The following CNTNAP5 variants were observed in gnomAD, a reference collection of about 807,000 sequenced individuals.
CNTNAP5 encodes the protein contactin-associated protein-like 5.
Under a neutral mutation model 150.2 loss-of-function variants are expected in CNTNAP5, and 72 were observed. The ratio of observed to expected loss-of-function variants is 0.48; its 90% CI spans 0.40 to 0.58. The LOEUF (loss-of-function observed/expected upper bound fraction) is 0.58, where lower values mean the gene tolerates loss of function less well. CNTNAP5 is among the 20% of genes least tolerant of loss of function. The pLI is 0.00. For synonymous variants in CNTNAP5, 672 were observed against 619.8 expected (o/e 1.08, Z -1.25); for missense variants, 1,636 against 1,626.2 (o/e 1.01, Z -0.10).
chr2:124,327,966 T>A (rs1689261914), intron 3 of CNTNAP5, among the ~76,000 whole-genome samples: 1 of 152,150 alleles, frequency 6.6e-6, no homozygotes, highest in Non-Finnish European at 1.5e-5. Flanking sequence ...TCGTGAAAAT[T>A]AAATGAGTAT....
chr2:124,844,653 G>C (rs1340177559), intron 19 of CNTNAP5, among the ~76,000 whole-genome samples: 1 of 151,984 alleles, frequency 6.6e-6, no homozygotes, highest in Non-Finnish European at 1.5e-5. Flanking sequence ...GTTTCCATTT[G>C]TTTCTGTTGT....
intron 12 of CNTNAP5, among the ~76,000 whole-genome samples, chr2:124,632,263 T>C (rs1349683762): frequency 6.6e-6 from 1 of 152,142 alleles, no homozygotes; most frequent in Non-Finnish European, 1.5e-5. Context: ...ATATGTTCAA[T>C]GCAGCACTAT....
intron 1 of CNTNAP5, among the ~76,000 whole-genome samples, chr2:124,163,436 T>A (rs927707622): frequency 6.6e-6 from 1 of 152,132 alleles, no homozygotes; most frequent in Non-Finnish European, 1.5e-5. Flanking sequence ...ACTGCAAATG[T>A]CAAGATGGGA....
At chr2:124,210,566 A>G (rs888108169) in intron 1 of CNTNAP5, among the ~76,000 whole-genome samples, 2 of 152,038 alleles carry the variant, frequency 1.3e-5, no homozygotes, top group Non-Finnish European at 2.9e-5. Flanking sequence ...ATATTCTTTT[A>G]CTATTCTAAA....
At chr2:124,328,267 C>T (rs1026154093) in intron 3 of CNTNAP5, among the ~76,000 whole-genome samples, 1 of 152,020 alleles carries the variant, frequency 6.6e-6, no homozygotes, top group African/African-American at 2.4e-5. Flanking sequence ...TTCTACATTG[C>T]AGATTTTACA....
At chr2:124,633,246 G>C (rs1019920681) in intron 12 of CNTNAP5, among the ~76,000 whole-genome samples, 1 of 152,128 alleles carries the variant, frequency 6.6e-6, no homozygotes, top group Non-Finnish European at 1.5e-5. Flanking sequence ...CTTGAGACAA[G>C]GCAAGTCCCT....
intron 13 of CNTNAP5, among the ~76,000 whole-genome samples, chr2:124,738,189 A>G (rs1319978468): frequency 2.0e-5 from 3 of 152,148 alleles, no homozygotes; most frequent in Admixed American, 2.0e-4. Context: ...GCTTAACACA[A>G]TAGAGGTTTC....
At chr2:124,274,593 T>C (rs1687841080) in intron 3 of CNTNAP5, among the ~76,000 whole-genome samples, 1 of 152,176 alleles carries the variant, frequency 6.6e-6, no homozygotes, top group Non-Finnish European at 1.5e-5. Context: ...AAGGACTGGG[T>C]ACATGGCCAG....
intron 13 of CNTNAP5, among the ~76,000 whole-genome samples, chr2:124,664,285 T>A (rs1448419527): frequency 7.2e-6 from 1 of 138,520 alleles, no homozygotes; most frequent in Non-Finnish European, 1.5e-5. Context: ...ATTGTGCCAC[T>A]GCACTCCAGT....
chr2:124,721,981 C>A (rs1680059680), intron 13 of CNTNAP5, among the ~76,000 whole-genome samples: 1 of 152,006 alleles, frequency 6.6e-6, no homozygotes, highest in Non-Finnish European at 1.5e-5. Context: ...GCTTGCACAC[C>A]CCTAGTTTAT....
At chr2:124,292,755 G>A (rs1688331922) in intron 3 of CNTNAP5, among the ~76,000 whole-genome samples, 1 of 152,028 alleles carries the variant, frequency 6.6e-6, no homozygotes, top group South Asian at 2.1e-4. Flanking sequence ...TTAGAATTAA[G>A]AATATCCTCC....
Position 124,760,158 on chromosome 2 carries a change from G to A in CNTNAP5, c.2235-3514G>A, listed in dbSNP as rs981172986. 4.0e-5 allele frequency among the ~76,000 whole-genome samples: 6 copies of A among 151,830 alleles called. No individual in the cohort carries two copies. The East Asian group carries it at 5.8e-4, about 15-fold the overall frequency. On this transcript the variant is annotated intron_variant, in intron 14 of 23. Coordinates refer to ENST00000682447, the MANE Select transcript of CNTNAP5 (RefSeq NM_001367498.1). The stretch of plus-strand genomic sequence containing the variant: ...CATGTACCCCACTCAGGAGAAGGGG[G>A]TGTGGGGTCTCTTGAGGTTGATCCA...
chr2:124,502,974 G>A (rs968614890), intron 7 of CNTNAP5, among the ~76,000 whole-genome samples: 12 of 152,054 alleles, frequency 7.9e-5, no homozygotes, highest in African/African-American at 2.7e-4. Flanking sequence ...AATACATTAC[G>A]GCATTGTTGT....
At chr2:124,545,124 A>T (rs983505712) in intron 10 of CNTNAP5, among the ~76,000 whole-genome samples, 3 of 152,090 alleles carry the variant, frequency 2.0e-5, no homozygotes, top group Non-Finnish European at 2.9e-5. Flanking sequence ...AATTCATGTT[A>T]AAAAAACACA....
intron 13 of CNTNAP5, among the ~76,000 whole-genome samples, chr2:124,653,911 A>AACCCCC (rs1678374770): frequency 1.7e-5 from 1 of 57,482 alleles, no homozygotes; most frequent in African/African-American, 6.6e-5. Flanking sequence ...ACTGCCCCCA[A>AACCCCC]CCCCCCCCCC....
chr2:124,377,338 G>T (rs1558874547), intron 3 of CNTNAP5, among the ~76,000 whole-genome samples: 1 of 152,082 alleles, frequency 6.6e-6, no homozygotes, highest in Non-Finnish European at 1.5e-5. Context: ...AAAGAATAAG[G>T]AGTGTAAAAG....
chr2:124,846,134 A>T (rs1468795040), intron 19 of CNTNAP5, among the ~76,000 whole-genome samples: 4 of 152,080 alleles, frequency 2.6e-5, no homozygotes, highest in Non-Finnish European at 5.9e-5. Flanking sequence ...TTTTTAATGT[A>T]GACATTTAAT....
At chr2:124,268,166 G>C (rs535103982) in intron 3 of CNTNAP5, among the ~76,000 whole-genome samples, 176 of 152,270 alleles carry the variant, frequency 1.2e-3, no homozygotes, top group Non-Finnish European at 2.2e-3. Context: ...GTTTTGCTTT[G>C]AAACAGTCAA....
At chr2:124,821,679 C>T (rs558313805) in intron 19 of CNTNAP5, among the ~76,000 whole-genome samples, 11 of 152,246 alleles carry the variant, frequency 7.2e-5, no homozygotes, top group South Asian at 4.1e-4. Flanking sequence ...CAGCTCCACT[C>T]GATCTTAGGA....
Sources: allele counts gnomAD v4.1 joint callset (sites outside exome capture counted in the v4.1 genomes callset), GRCh38; gene constraint gnomAD v4.1.1; transcripts MANE v1.5; gene names NCBI Gene and HGNC (gene_info 2026-07-23, HGNC 2026-07-21).